GAP43: variants seen among roughly 807,000 people sequenced by gnomAD.
The protein encoded by GAP43 is growth associated protein 43.
Under a neutral mutation model 18.6 loss-of-function variants are expected in GAP43, and 6 were observed. The observed-to-expected ratio is 0.32, with a 90% confidence interval of 0.18 to 0.64. GAP43 has a LOEUF of 0.64. Among genes scored for constraint, GAP43 ranks in the 30% least tolerant of loss-of-function variants. The pLI is 0.78. For missense variants in GAP43, 292 were observed against 295.5 expected, an observed-to-expected ratio of 0.99 and a Z score of 0.09; for synonymous variants, 115 against 111.4, an observed-to-expected ratio of 1.03 and a Z score of -0.20.
intron 1 of GAP43, 92 bp from the exon 2 acceptor site, chr3:115,675,919 AAT>A: frequency 2.0e-6 from 3 of 1,511,664 alleles, no homozygotes; most frequent in African/African-American, 1.4e-5. Context: ...CCTGGCACAA[AAT>A]AAATCACTTA....
At chr3:115,650,121 G>T (rs1421012688) in intron 1 of GAP43, among the ~76,000 whole-genome samples, 2 of 152,152 alleles carry the variant, frequency 1.3e-5, no homozygotes, top group African/African-American at 4.8e-5. Context: ...AGGAGTGAGT[G>T]CCTTGTTGGA....
chr3:115,703,483 A>G (rs1473024397), intron 2 of GAP43, among the ~76,000 whole-genome samples: 1 of 152,104 alleles, frequency 6.6e-6, no homozygotes, highest in Non-Finnish European at 1.5e-5. Context: ...CTGTTAAAGT[A>G]GAGGCTGTCC....
chr3:115,646,014 A>C (rs1708453994), intron 1 of GAP43, among the ~76,000 whole-genome samples: 1 of 152,150 alleles, frequency 6.6e-6, no homozygotes, highest in Admixed American at 6.6e-5. Context: ...TAAAAAATTA[A>C]GTGTTGGACT....
intron 2 of GAP43, among the ~76,000 whole-genome samples, chr3:115,680,000 A>T (rs1038240640): frequency 3.3e-5 from 5 of 152,160 alleles, no homozygotes; most frequent in African/African-American, 9.7e-5. Context: ...GAATAGAAAA[A>T]TTAACTTAGT....
intron 1 of GAP43, among the ~76,000 whole-genome samples, chr3:115,666,607 T>C (rs1241785384): frequency 6.6e-6 from 1 of 152,114 alleles, no homozygotes; most frequent in Non-Finnish European, 1.5e-5. Flanking sequence ...CTCATTTGAT[T>C]CTCATATCAG....
intron 1 of GAP43, among the ~76,000 whole-genome samples, chr3:115,643,007 T>G (rs1164072906): frequency 6.6e-6 from 1 of 152,046 alleles, no homozygotes; most frequent in Non-Finnish European, 1.5e-5. Flanking sequence ...TGTCCTATGC[T>G]CTCAACACTC....
intron 1 of GAP43, among the ~76,000 whole-genome samples, chr3:115,671,462 A>C (rs547339162): frequency 6.6e-6 from 1 of 152,200 alleles, no homozygotes; most frequent in South Asian, 2.1e-4. Flanking sequence ...TTGTTTAAAA[A>C]GTAGGGATGT....
intron 1 of GAP43, among the ~76,000 whole-genome samples, chr3:115,674,260 T>C (rs768994308): frequency 2.0e-5 from 3 of 152,202 alleles, no homozygotes; most frequent in Non-Finnish European, 2.9e-5. Flanking sequence ...TTATTTCTGC[T>C]AGAACAGTGT....
At chr3:115,702,638 A>G (rs1418818270) in intron 2 of GAP43, among the ~76,000 whole-genome samples, 2 of 152,122 alleles carry the variant, frequency 1.3e-5, no homozygotes, top group African/African-American at 2.4e-5. Flanking sequence ...AGACTTTTAT[A>G]GGAAGGAGTA....
chr3:115,644,597 C>G lies in GAP43; in HGVS notation c.30+20878C>G, dbSNP rs1243646266. ...AAGTTTCAAGGCAAAAAGAAAAATCCTTTATGGTTACTGAGTATGCTGTGA... is the reference window on the plus strand; with the variant it reads ...AAGTTTCAAGGCAAAAAGAAAAATCGTTTATGGTTACTGAGTATGCTGTGA... On this transcript the variant is annotated intron_variant, in intron 1 of 2. Transcript: ENST00000305124. The surrounding 1 kb of genome is among the most constrained non-coding windows in gnomAD (Gnocchi z 4.2). Among the ~76,000 whole-genome samples, 1 of 152,020 alleles carries G rather than the reference C, an allele frequency of 6.6e-6. No individual in the cohort carries two copies. The highest frequency in any genetic ancestry group is 2.4e-5 in the African/African-American group (1 of 41,410).
chr3:115,717,304 A>G (rs1432849787), intron 2 of GAP43, among the ~76,000 whole-genome samples: 1 of 122,628 alleles, frequency 8.2e-6, no homozygotes, highest in African/African-American at 3.0e-5. Flanking sequence ...TATATTTATA[A>G]ATTTTATTGT....
chr3:115,656,166 C>T (rs1708579256), intron 1 of GAP43, among the ~76,000 whole-genome samples: 1 of 152,108 alleles, frequency 6.6e-6, no homozygotes, highest in Non-Finnish European at 1.5e-5. Flanking sequence ...GTGTGATGGT[C>T]TCTTCTAGGC....
chr3:115,701,995 C>T (rs1377910005), intron 2 of GAP43, among the ~76,000 whole-genome samples: 1 of 152,032 alleles, frequency 6.6e-6, no homozygotes, highest in Non-Finnish European at 1.5e-5. Flanking sequence ...GATACAGGTG[C>T]ATTTGGGAGA....
At chr3:115,655,174 C>G (rs527966890) in intron 1 of GAP43, among the ~76,000 whole-genome samples, 7 of 152,238 alleles carry the variant, frequency 4.6e-5, no homozygotes, top group African/African-American at 1.4e-4. Flanking sequence ...TTAGTGAGGC[C>G]AGGTTGCATC....
At chr3:115,696,598 G>C (rs1159310710) in intron 2 of GAP43, among the ~76,000 whole-genome samples, 2 of 87,104 alleles carry the variant, frequency 2.3e-5, no homozygotes, top group Non-Finnish European at 4.0e-5. Flanking sequence ...CCCACAAACA[G>C]GTATGCTCAT....
chr3:115,676,606 C>A lies in GAP43; in HGVS notation c.624C>A (p.Asn208Lys). The change falls in exon 2 of 3, where the codon AAC becomes AAA. Residue 208 changes from asparagine to lysine, a missense_variant. Coordinates refer to ENST00000305124, the MANE Select transcript of GAP43 (RefSeq NM_002045.4). ...ETGESSQAEE[N>K]IEAVDETKPK... Reference sequence around the variant, plus strand: ...GGGAGAGCAGCCAAGCTGAAGAGAACATAGGTGAGCAACCGCGAGGGTCAG... The same window carrying A: ...GGGAGAGCAGCCAAGCTGAAGAGAAAATAGGTGAGCAACCGCGAGGGTCAG... 1 of 1,583,014 alleles carries A rather than the reference C, an allele frequency of 6.3e-7. No individual in the cohort carries two copies. The highest frequency in any genetic ancestry group is 1.8e-5 in the Admixed American group (1 of 56,714).
intron 1 of GAP43, among the ~76,000 whole-genome samples, chr3:115,637,630 T>TA (rs892535116): frequency 6.6e-6 from 1 of 152,084 alleles, no homozygotes; most frequent in Non-Finnish European, 1.5e-5. Context: ...GTGAATAATC[T>TA]AATTTGTGCC....
In GAP43 at chr3:115,677,335, C is replaced by T. The variant is rs28399394; in HGVS notation, c.628+725C>T. Among the ~76,000 whole-genome samples, 545 of 152,194 alleles carry T rather than the reference C, an allele frequency of 3.6e-3. 4 individuals carry two copies. The highest frequency in any genetic ancestry group is 0.013 in the African/African-American group (534 of 41,514). On this transcript the variant is annotated intron_variant, in intron 2 of 2. Coordinates refer to ENST00000305124, the MANE Select transcript of GAP43 (RefSeq NM_002045.4). ...AATAATCATTTTATTATTGAAGACA[C>T]GACTTTCTACAATATGCATAAATAA...
chr3:115,632,842 T>C (rs1708276906), intron 1 of GAP43, among the ~76,000 whole-genome samples: 1 of 152,110 alleles, frequency 6.6e-6, no homozygotes, highest in East Asian at 1.9e-4. Context: ...ATTTCTTTAA[T>C]TATATTTATA....
Sources: allele counts gnomAD v4.1 joint callset (sites outside exome capture counted in the v4.1 genomes callset), GRCh38; gene constraint gnomAD v4.1.1; non-coding constraint Gnocchi (gnomAD v3.1); transcripts MANE v1.5; gene names NCBI Gene and HGNC (gene_info 2026-07-23, HGNC 2026-07-21).